MXI1: variants seen among roughly 807,000 people sequenced by gnomAD.
MXI1 encodes the protein max-interacting protein 1.
A neutral mutation model predicts 36.9 loss-of-function variants in MXI1; 18 were observed. That is an observed-to-expected ratio of 0.49 (90% CI 0.34 to 0.72). The LOEUF (loss-of-function observed/expected upper bound fraction) is 0.72. MXI1 is among the 30% of genes least tolerant of loss of function. The probability of loss-of-function intolerance (pLI) is 0.01; values close to 1 mark genes in which losing one functional copy is unlikely to be tolerated. For missense variants in MXI1, 304 were observed against 379.1 expected, an observed-to-expected ratio of 0.80 and a Z score of 1.64; for synonymous variants, 160 against 146.7, an observed-to-expected ratio of 1.09 and a Z score of -0.65.
chr10:110,230,271 G>C (rs1432663644), intron 2 of MXI1, among the ~76,000 whole-genome samples: 1 of 152,130 alleles, frequency 6.6e-6, no homozygotes, highest in Non-Finnish European at 1.5e-5. Flanking sequence ...TTGGGGTTTG[G>C]GCTAAGTGAT....
At chr10:110,212,924 G>C (rs1363410279) in intron 1 of MXI1, among the ~76,000 whole-genome samples, 1 of 152,196 alleles carries the variant, frequency 6.6e-6, no homozygotes, top group East Asian at 1.9e-4. Context: ...ATCACTTACA[G>C]TATTCAATGC....
At chr10:110,275,054 T>G (rs949796918) in intron 3 of MXI1, among the ~76,000 whole-genome samples, 1 of 149,162 alleles carries the variant, frequency 6.7e-6, no homozygotes, top group Admixed American at 6.6e-5. Flanking sequence ...TTTGTATTTT[T>G]AGTAGACACA....
At chr10:110,226,021 CGGCACGGCG>C in intron 1 of MXI1, 3 of 980,858 alleles carry the variant, frequency 3.1e-6, no homozygotes, top group Non-Finnish European at 3.6e-6. Flanking sequence ...GGGCTGCCCG[CGGCACGGCG>C]GGCGCGGCTG....
At chr10:110,249,439 C>T (rs909880947) in intron 3 of MXI1, among the ~76,000 whole-genome samples, 4 of 151,876 alleles carry the variant, frequency 2.6e-5, no homozygotes, top group African/African-American at 9.7e-5. Context: ...ATTAGACAGG[C>T]ATGGTGGTGC....
intron 1 of MXI1, chr10:110,226,194 C>T: frequency 6.8e-7 from 1 of 1,468,438 alleles, no homozygotes; most frequent in Non-Finnish European, 9.0e-7. Flanking sequence ...AGGCGCCGGT[C>T]GCCACCCGCG....
intron 2 of MXI1, among the ~76,000 whole-genome samples, chr10:110,230,064 T>C (rs1219686217): frequency 4.6e-5 from 7 of 152,250 alleles, no homozygotes; most frequent in Non-Finnish European, 4.4e-5. Flanking sequence ...TCTATGACTC[T>C]GATTTATTGA....
chr10:110,264,273 C>T (rs1856613231), intron 3 of MXI1, among the ~76,000 whole-genome samples: 1 of 152,012 alleles, frequency 6.6e-6, no homozygotes, highest in African/African-American at 2.4e-5. Context: ...AAAACTTGTT[C>T]CTGCTGTATT....
chr10:110,239,154 G>A (rs182707789), intron 2 of MXI1, among the ~76,000 whole-genome samples: 21 of 152,060 alleles, frequency 1.4e-4, no homozygotes, highest in Non-Finnish European at 2.6e-4. Flanking sequence ...AGATAATTCT[G>A]TTTTGTGCAT....
At chr10:110,211,632 G>T (rs1231445133) in intron 1 of MXI1, among the ~76,000 whole-genome samples, 2 of 152,174 alleles carry the variant, frequency 1.3e-5, no homozygotes, top group African/African-American at 2.4e-5. Context: ...TGAGGTTTCC[G>T]TACTGGTAGT....
chr10:110,238,426 T>C (rs1272096485), intron 2 of MXI1, among the ~76,000 whole-genome samples: 1 of 152,186 alleles, frequency 6.6e-6, no homozygotes, highest in Non-Finnish European at 1.5e-5. Flanking sequence ...GGAACTAGGG[T>C]ACTTTCTGTA....
chr10:110,276,266 T>G (rs1250727539), intron 3 of MXI1, among the ~76,000 whole-genome samples: 2 of 152,194 alleles, frequency 1.3e-5, no homozygotes, highest in Non-Finnish European at 2.9e-5. Flanking sequence ...AAGTCCAAAG[T>G]CAAATTTGAA....
intron 1 of MXI1, among the ~76,000 whole-genome samples, chr10:110,216,825 C>T (rs762359550): frequency 2.4e-4 from 36 of 151,720 alleles, no homozygotes; most frequent in Admixed American, 1.1e-3. Context: ...TGCCACCTTG[C>T]CCCACTGATT....
chr10:110,284,713 A>T (rs2134485812), intron 5 of MXI1, 111 bp from the exon 6 acceptor site: 1 of 1,030,788 alleles, frequency 9.7e-7, no homozygotes, highest in East Asian at 2.7e-5. Context: ...ATCACTGATA[A>T]TAAGCTTGTT....
At chr10:110,252,920 A>G (rs1372362346) in intron 3 of MXI1, among the ~76,000 whole-genome samples, 1 of 152,134 alleles carries the variant, frequency 6.6e-6, no homozygotes, top group Non-Finnish European at 1.5e-5. Flanking sequence ...CTTGATAAGT[A>G]AGAACAGCTT....
chr10:110,231,759 C>G (rs572011851), intron 2 of MXI1, among the ~76,000 whole-genome samples: 9 of 152,282 alleles, frequency 5.9e-5, no homozygotes, highest in African/African-American at 2.2e-4. Context: ...AGCTTCTTTA[C>G]TATTTGGTAC....
At chr10:110,221,994 C>T (rs1854823943) in intron 1 of MXI1, among the ~76,000 whole-genome samples, 1 of 152,168 alleles carries the variant, frequency 6.6e-6, no homozygotes, top group African/African-American at 2.4e-5. Context: ...CTCGGCTGCA[C>T]ACAGACCCGC....
At chr10:110,273,231 T>C (rs1312710031) in intron 3 of MXI1, among the ~76,000 whole-genome samples, 7 of 151,864 alleles carry the variant, frequency 4.6e-5, no homozygotes, top group Non-Finnish European at 1.5e-5. Context: ...GTGTTTTTAG[T>C]AGAGATGGGG....
rs111783823 is a variant in MXI1, at chr10:110,243,474, C to G, written c.408-1354C>G. ...ACACAAATTATGAGACCAGCAAAAG[C>G]ACTCTTAATTTTAAGGTTTGAGAAT... On this transcript the variant is annotated intron_variant, in intron 2 of 5. Coordinates refer to ENST00000332674, the MANE Select transcript of MXI1 (RefSeq NM_130439.3). 6.4e-3 allele frequency among the ~76,000 whole-genome samples: 971 copies of G among 152,118 alleles called. 5 individuals are homozygous for G. Among genetic ancestry groups the G allele is most frequent in the Middle Eastern group, 0.01 (3 of 294 alleles).
intron 3 of MXI1, among the ~76,000 whole-genome samples, chr10:110,252,834 A>T (rs764630663): frequency 6.6e-6 from 1 of 152,170 alleles, no homozygotes; most frequent in African/African-American, 2.4e-5. Context: ...TTCAGTTGAC[A>T]TAATAAAAGA....
Sources: gnomAD v4.1 joint callset for allele counts (sites outside exome capture counted in the v4.1 genomes callset) on GRCh38, gnomAD v4.1.1 for gene constraint, MANE v1.5 for transcripts, NCBI Gene and HGNC (gene_info 2026-07-23, HGNC 2026-07-21) for gene names.